The following KLHL18 variants were observed in gnomAD, a reference collection of about 807,000 sequenced individuals.
The protein encoded by KLHL18 is kelch-like protein 18.
In KLHL18, 38 loss-of-function variants were observed where a neutral mutation model predicts 58.5. The ratio of observed to expected loss-of-function variants is 0.65; its 90% CI spans 0.50 to 0.85. The LOEUF is 0.85. Ranked by LOEUF, KLHL18 falls within the 40% of genes least tolerant of loss-of-function variation. The pLI is 0.00. For synonymous variants in KLHL18, 303 were observed against 301.9 expected (o/e 1.00, Z -0.04); for missense variants, 624 against 778.4 (o/e 0.80, Z 2.36).
intron 1 of KLHL18, among the ~76,000 whole-genome samples, chr3:47,289,490 T>G (rs1576129669): frequency 6.6e-6 from 1 of 152,346 alleles, no homozygotes; most frequent in South Asian, 2.1e-4. Flanking sequence ...CACCACTGGC[T>G]TTGTGATGAA....
intron 1 of KLHL18, among the ~76,000 whole-genome samples, chr3:47,314,408 G>A (rs959973033): frequency 2.0e-5 from 3 of 152,174 alleles, no homozygotes; most frequent in African/African-American, 7.2e-5. Context: ...AGGCCTCTAA[G>A]TAGTCACTTA....
intron 3 of KLHL18, among the ~76,000 whole-genome samples, chr3:47,326,236 C>T (rs1289484132): frequency 6.6e-6 from 1 of 152,130 alleles, no homozygotes; most frequent in Non-Finnish European, 1.5e-5. Flanking sequence ...GTGTGAGTCA[C>T]CACACCCAGC....
At chr3:47,323,877 G>T (rs1703645543) in intron 3 of KLHL18, among the ~76,000 whole-genome samples, 1 of 152,120 alleles carries the variant, frequency 6.6e-6, no homozygotes, top group South Asian at 2.1e-4. Context: ...CACCTATCCA[G>T]TTCAGTTAGC....
intron 1 of KLHL18, among the ~76,000 whole-genome samples, chr3:47,309,797 A>G (rs1335128490): frequency 2.0e-5 from 3 of 152,236 alleles, no homozygotes; most frequent in South Asian, 4.1e-4. Flanking sequence ...TAGGAGCTGG[A>G]GACCAGCCCG....
At chr3:47,295,992 T>C (rs949148880) in intron 1 of KLHL18, among the ~76,000 whole-genome samples, 2 of 152,190 alleles carry the variant, frequency 1.3e-5, no homozygotes, top group African/African-American at 4.8e-5. Context: ...CCTCCAGGTG[T>C]AGTTCATCTC....
In KLHL18 at chr3:47,333,326, G is replaced by C; in HGVS notation, c.761+9G>C. On this transcript the variant is annotated intron_variant, in intron 5 of 9. Coordinates refer to ENST00000232766, the MANE Select transcript of KLHL18 (RefSeq NM_025010.5). ...TGCTGCCACAAATGCAGGTGAGTGA[G>C]GGTGGACCTGCACAGGACACTGCCA... 1 of 1,611,794 alleles carries C rather than the reference G, an allele frequency of 6.2e-7. No individual in the cohort carries two copies. The highest frequency in any genetic ancestry group is 8.5e-7 in the Non-Finnish European group (1 of 1,178,614).
At chr3:47,308,052 C>T (rs1295687553) in intron 1 of KLHL18, among the ~76,000 whole-genome samples, 2 of 151,964 alleles carry the variant, frequency 1.3e-5, no homozygotes, top group African/African-American at 4.8e-5. Context: ...TTATTCTTAC[C>T]CACCAGCTTC....
At chr3:47,299,764 G>A (rs549273265) in intron 1 of KLHL18, among the ~76,000 whole-genome samples, 32 of 149,616 alleles carry the variant, frequency 2.1e-4, no homozygotes, top group Non-Finnish European at 4.4e-4. Context: ...GAGGTCCAGG[G>A]TGCAGTGAGC....
In KLHL18 at chr3:47,334,257, C is replaced by T. The variant is rs1286900009; in HGVS notation, c.762-426C>T. 2.0e-5 allele frequency among the ~76,000 whole-genome samples: 3 copies of T among 152,066 alleles called. No homozygotes were observed. Among genetic ancestry groups the T allele is most frequent in the Non-Finnish European group, 4.4e-5 (3 of 68,010 alleles). On this transcript the variant is annotated intron_variant, in intron 5 of 9. Coordinates refer to ENST00000232766, the MANE Select transcript of KLHL18 (RefSeq NM_025010.5). This position sits in a 1 kb window ranked among gnomAD's most constrained non-coding sequence, Gnocchi z 4.7. ...GTGGAAGTGGAATGGAGGGGCAGGCCTGAGGCAGGGAAATGTGTCAGGAGC... is the reference window on the plus strand; with the variant it reads ...GTGGAAGTGGAATGGAGGGGCAGGCTTGAGGCAGGGAAATGTGTCAGGAGC...
chr3:47,342,794 G>A lies in KLHL18; in HGVS notation c.1302G>A (p.Val434=). The A allele has an allele frequency of 1.2e-6, 2 of 1,614,234 alleles. No individual in the cohort carries two copies. Among genetic ancestry groups the A allele is most frequent in the Non-Finnish European group, 1.7e-6 (2 of 1,180,038 alleles). ...CAGTCTTTGAGGGCAGGATATATGTGTCAGGCGGCCATGATGGTTTGCAGA... is the reference window on the plus strand; with the variant it reads ...CAGTCTTTGAGGGCAGGATATATGTATCAGGCGGCCATGATGGTTTGCAGA... The part of the protein sequence containing the change: ...GVTVFEGRIY[V]SGGHDGLQIF... Residue 434 remains valine (V), a synonymous_variant, in exon 9 of 10, where the codon GTG becomes GTA. Coordinates refer to ENST00000232766, the MANE Select transcript of KLHL18 (RefSeq NM_025010.5).
intron 2 of KLHL18, among the ~76,000 whole-genome samples, chr3:47,320,373 GGC>G (rs1703557177): frequency 6.6e-6 from 1 of 152,090 alleles, no homozygotes; most frequent in Non-Finnish European, 1.5e-5. Flanking sequence ...TGTGGCTAAT[GGC>G]TACTATATTA....
intron 1 of KLHL18, among the ~76,000 whole-genome samples, chr3:47,308,921 TC>T (rs1373922128): frequency 1.3e-5 from 2 of 152,160 alleles, no homozygotes; most frequent in African/African-American, 4.8e-5. Flanking sequence ...CCTGGGGCCT[TC>T]CGCAGTGTTT....
chr3:47,285,137 T>C (rs949900679), intron 1 of KLHL18, among the ~76,000 whole-genome samples: 5 of 152,072 alleles, frequency 3.3e-5, no homozygotes, highest in Admixed American at 2.0e-4. Context: ...AAACCCCTCC[T>C]GAAGGAGGTT....
intron 1 of KLHL18, among the ~76,000 whole-genome samples, chr3:47,304,741 A>G (rs1244749532): frequency 6.6e-6 from 1 of 152,060 alleles, no homozygotes; most frequent in Non-Finnish European, 1.5e-5. Flanking sequence ...AAATAATGTC[A>G]GGCCAGGCGC....
intron 1 of KLHL18, among the ~76,000 whole-genome samples, chr3:47,294,229 T>G (rs1702850247): frequency 6.6e-6 from 1 of 152,192 alleles, no homozygotes; most frequent in African/African-American, 2.4e-5. Flanking sequence ...CTTATTCTGC[T>G]CTGAGTGGCT....
At chr3:47,320,654 A>G (rs1379958934) in intron 2 of KLHL18, among the ~76,000 whole-genome samples, 1 of 152,216 alleles carries the variant, frequency 6.6e-6, no homozygotes, top group African/African-American at 2.4e-5. Flanking sequence ...AAGGTGGCTC[A>G]CACCTGAAAT....
chr3:47,343,476 G>T lies in KLHL18; in HGVS notation c.1339-79G>T. 2.0e-6 allele frequency: 3 copies of T among 1,525,184 alleles called. No homozygotes were observed. The South Asian group carries it at 3.5e-5, about 18-fold the overall frequency. The allele number at this position is 1,525,184 out of a possible 1,614,324, so 94.5% of individuals were successfully genotyped here. A position where few individuals can be genotyped will look rare whatever the true frequency, so the allele number is the denominator to read the frequency against. On this transcript the variant is annotated intron_variant, in intron 9 of 9. Transcript: ENST00000232766. ...CAGGAGTTTGACATCATGGGGGGCT[G>T]CTGTGCCCTGCACGGTCACTCCATG...
intron 7 of KLHL18, among the ~76,000 whole-genome samples, chr3:47,339,490 C>CA (rs535713738): frequency 0.016 from 1,131 of 68,894 alleles, 10 homozygotes; most frequent in Middle Eastern, 0.042. Flanking sequence ...GACCTCATCT[C>CA]AAAAAAAAAA....
chr3:47,304,641 C>T (rs965878204), intron 1 of KLHL18, among the ~76,000 whole-genome samples: 4 of 152,122 alleles, frequency 2.6e-5, no homozygotes, highest in African/African-American at 9.7e-5. Flanking sequence ...GTATGTTGAT[C>T]TTGTGTCTTG....
Sources: gnomAD v4.1 joint callset for allele counts (sites outside exome capture counted in the v4.1 genomes callset) on GRCh38, gnomAD v4.1.1 for gene constraint, Gnocchi (gnomAD v3.1) non-coding constraint, MANE v1.5 for transcripts, NCBI Gene and HGNC (gene_info 2026-07-23, HGNC 2026-07-21) for gene names.